LRRC4C: variants seen among roughly 807,000 people sequenced by gnomAD.
LRRC4C encodes the protein leucine rich repeat containing 4C.
In LRRC4C, 5 loss-of-function variants were observed where a neutral mutation model predicts 33.6. The observed-to-expected ratio is 0.15, with a 90% CI of 0.08 to 0.31. The LOEUF (loss-of-function observed/expected upper bound fraction) is 0.31. Ranked by LOEUF, LRRC4C falls within the 10% of genes least tolerant of loss-of-function variation. The pLI, the probability that LRRC4C is intolerant of heterozygous loss-of-function variation, is 1.00. For synonymous variants in LRRC4C, 329 were observed against 302.0 expected, an observed-to-expected ratio of 1.09 and a Z score of -0.93; for missense variants, 560 against 796.7, an observed-to-expected ratio of 0.70 and a Z score of 3.58.
intron 1 of LRRC4C, among the ~76,000 whole-genome samples, chr11:41,428,618 T>C (rs1955125048): frequency 6.6e-6 from 1 of 152,080 alleles, no homozygotes; most frequent in Non-Finnish European, 1.5e-5. Context: ...TTGTAGGTAT[T>C]GTTGGTATAC....
chr11:40,666,968 T>G (rs956349463), intron 2 of LRRC4C, among the ~76,000 whole-genome samples: 3 of 152,146 alleles, frequency 2.0e-5, no homozygotes, highest in African/African-American at 7.2e-5. Context: ...GAATTCAAAT[T>G]GCCATCAATG....
At chr11:40,263,877 C>A (rs915432090) in intron 4 of LRRC4C, among the ~76,000 whole-genome samples, 2 of 152,204 alleles carry the variant, frequency 1.3e-5, no homozygotes, top group African/African-American at 4.8e-5. Flanking sequence ...AGATGAAGAT[C>A]AAATCAGACA....
chr11:41,018,338 A>T (rs923655427), intron 1 of LRRC4C, among the ~76,000 whole-genome samples: 6 of 152,064 alleles, frequency 3.9e-5, no homozygotes, highest in African/African-American at 1.4e-4. Context: ...TTTCTTAGAG[A>T]ATTTAAATTG....
At chr11:40,900,067 T>C (rs1956138662) in intron 2 of LRRC4C, among the ~76,000 whole-genome samples, 1 of 152,138 alleles carries the variant, frequency 6.6e-6, no homozygotes, top group Admixed American at 6.5e-5. Flanking sequence ...TGCTGAGCTT[T>C]CTATTTGTTT....
At chr11:40,125,295 G>A (rs1179782492) in intron 6 of LRRC4C, among the ~76,000 whole-genome samples, 4 of 152,140 alleles carry the variant, frequency 2.6e-5, no homozygotes, top group Non-Finnish European at 5.9e-5. Context: ...GGTAAAAGAT[G>A]CCTAGAGCTG....
chr11:40,790,750 G>A (rs546307824), intron 2 of LRRC4C, among the ~76,000 whole-genome samples: 1 of 152,206 alleles, frequency 6.6e-6, no homozygotes, highest in Non-Finnish European at 1.5e-5. Flanking sequence ...AATAGTCCCT[G>A]TTGGGAAAAT....
At chr11:40,871,707 A>G (rs148081061) in intron 2 of LRRC4C, among the ~76,000 whole-genome samples, 1 of 151,606 alleles carries the variant, frequency 6.6e-6, no homozygotes, top group Admixed American at 6.6e-5. Context: ...TAGACTCCCC[A>G]CTCTCCTGCA....
At chr11:40,206,247 T>C (rs1863139990) in intron 5 of LRRC4C, among the ~76,000 whole-genome samples, 1 of 152,128 alleles carries the variant, frequency 6.6e-6, no homozygotes, top group Admixed American at 6.5e-5. Context: ...TTCTTTTTTT[T>C]CTTTTGAGAT....
intron 1 of LRRC4C, among the ~76,000 whole-genome samples, chr11:41,418,321 C>T (rs1295374068): frequency 3.9e-5 from 6 of 151,966 alleles, no homozygotes; most frequent in Non-Finnish European, 1.5e-5. Context: ...ATTACCCCTA[C>T]ACTTAAAACA....
chr11:40,565,485 T>A (rs1957719434), intron 3 of LRRC4C, among the ~76,000 whole-genome samples: 1 of 152,172 alleles, frequency 6.6e-6, no homozygotes, highest in South Asian at 2.1e-4. Flanking sequence ...TTGCCTAGCA[T>A]GTTCTCATTT....
chr11:41,004,303 G>C (rs777322602), intron 1 of LRRC4C, among the ~76,000 whole-genome samples: 13 of 152,080 alleles, frequency 8.5e-5, no homozygotes, highest in Admixed American at 2.0e-4. Flanking sequence ...TTTTCATTAT[G>C]ACCTGCCTTC....
chr11:41,428,917 T>C (rs547048768), intron 1 of LRRC4C, among the ~76,000 whole-genome samples: 9 of 152,192 alleles, frequency 5.9e-5, no homozygotes, highest in African/African-American at 1.9e-4. Context: ...TATAAAGGCC[T>C]CTGGGGAGAA....
intron 3 of LRRC4C, among the ~76,000 whole-genome samples, chr11:40,423,913 T>C (rs1455048424): frequency 6.6e-6 from 1 of 152,198 alleles, no homozygotes; most frequent in African/African-American, 2.4e-5. Flanking sequence ...TTTTATATGA[T>C]GAAGATGTAT....
intron 3 of LRRC4C, among the ~76,000 whole-genome samples, chr11:40,489,021 G>A (rs1954013305): frequency 6.6e-6 from 1 of 152,074 alleles, no homozygotes; most frequent in South Asian, 2.1e-4. Context: ...TTTACTCACT[G>A]AATAACTGAG....
chr11:40,717,597 C>T (rs142053047), intron 2 of LRRC4C, among the ~76,000 whole-genome samples: 4 of 152,046 alleles, frequency 2.6e-5, no homozygotes, highest in East Asian at 1.9e-4. Flanking sequence ...CCAGTCACTG[C>T]GCTATAGATT....
chr11:41,100,137 C>T (rs1277106972), intron 1 of LRRC4C, among the ~76,000 whole-genome samples: 1 of 151,964 alleles, frequency 6.6e-6, no homozygotes, highest in Non-Finnish European at 1.5e-5. Context: ...AACAAAAATC[C>T]ACCTAGGAAT....
rs146725472 is a variant in LRRC4C at position 41,011,611 on chromosome 11, A to T, written c.-495-77888T>A. Among the ~76,000 whole-genome samples, 144 of 151,990 alleles carry T rather than the reference A, an allele frequency of 9.5e-4. 4 individuals are homozygous for T. In the East Asian group the frequency reaches 0.024, roughly 25 times the overall value. ...ATGGTTATTATAGAAATATTATGCA[A>T]CATGGGTACATTTCTAGTGTCTCAG... On this transcript the variant is annotated intron_variant, in intron 1 of 6. Coordinates refer to ENST00000528697, the MANE Select transcript of LRRC4C (RefSeq NM_001258419.2).
At chr11:40,982,636 A>G (rs1236768593) in intron 1 of LRRC4C, among the ~76,000 whole-genome samples, 1 of 152,128 alleles carries the variant, frequency 6.6e-6, no homozygotes, top group Non-Finnish European at 1.5e-5. Flanking sequence ...TTAGACTAGA[A>G]TTATCTGACT....
At chr11:41,368,997 C>T (rs1441113091) in intron 1 of LRRC4C, among the ~76,000 whole-genome samples, 2 of 152,158 alleles carry the variant, frequency 1.3e-5, no homozygotes, top group Admixed American at 1.3e-4. Context: ...TCTGTTACCA[C>T]ATGTGTTTTT....
Sources: allele counts gnomAD v4.1 joint callset (sites outside exome capture counted in the v4.1 genomes callset), GRCh38; gene constraint gnomAD v4.1.1; transcripts MANE v1.5; gene names NCBI Gene and HGNC (gene_info 2026-07-23, HGNC 2026-07-21).